RIMS2: variants seen among roughly 807,000 people sequenced by gnomAD.
The protein encoded by RIMS2 is regulating synaptic membrane exocytosis 2.
RIMS2 carries 59 observed loss-of-function variants against 174.4 expected under a neutral mutation model. The ratio of observed to expected loss-of-function variants is 0.34; its 90% CI spans 0.27 to 0.42. RIMS2 has a LOEUF of 0.42. RIMS2 is among the 10% of genes least tolerant of loss of function. The pLI, the probability that RIMS2 is intolerant of heterozygous loss-of-function variation, is 1.00. For missense variants in RIMS2, 1,620 were observed against 1,666.3 expected (o/e 0.97, Z 0.48); for synonymous variants, 606 against 572.5 (o/e 1.06, Z -0.84).
intron 3 of RIMS2, chr8:103,880,749 G>T (rs1321471311): frequency 4.6e-6 from 2 of 438,318 alleles, no homozygotes; most frequent in Admixed American, 3.9e-5. Flanking sequence ...ATATATTTTT[G>T]TTTTTTTATA....
intron 3 of RIMS2, among the ~76,000 whole-genome samples, chr8:103,790,353 A>T (rs1160781632): frequency 6.6e-6 from 1 of 152,184 alleles, no homozygotes; most frequent in Non-Finnish European, 1.5e-5. Flanking sequence ...AGTATCATGC[A>T]ATTATGTAGC....
chr8:103,865,289 T>TC (rs984245792), intron 3 of RIMS2, among the ~76,000 whole-genome samples: 2 of 145,070 alleles, frequency 1.4e-5, no homozygotes, highest in East Asian at 1.9e-4. Context: ...TTTTTCTTTT[T>TC]TTTTTTTTTT....
chr8:103,870,044 T>C (rs1451381479), intron 3 of RIMS2, among the ~76,000 whole-genome samples: 1 of 152,172 alleles, frequency 6.6e-6, no homozygotes, highest in East Asian at 1.9e-4. Context: ...GATGTTGATA[T>C]TCTGTGAAAT....
chr8:103,592,416 A>G (rs2094306684), intron 1 of RIMS2, among the ~76,000 whole-genome samples: 1 of 151,286 alleles, frequency 6.6e-6, no homozygotes, highest in African/African-American at 2.4e-5. Context: ...TAGAGCACTC[A>G]TCCCAATTCA....
chr8:104,127,808 A>G (rs1252747753), intron 19 of RIMS2, among the ~76,000 whole-genome samples: 2 of 152,204 alleles, frequency 1.3e-5, no homozygotes, highest in African/African-American at 2.4e-5. Flanking sequence ...AAATGCCAGT[A>G]CTTACAAAAT....
chr8:104,053,055 G>T, intron 19 of RIMS2, among the ~76,000 whole-genome samples: 1 of 152,142 alleles, frequency 6.6e-6, no homozygotes, highest in Non-Finnish European at 1.5e-5. Flanking sequence ...TGGTGCTGAG[G>T]AATGATCAGT....
At chr8:103,704,226 C>T in intron 2 of RIMS2, among the ~76,000 whole-genome samples, 1 of 150,536 alleles carries the variant, frequency 6.6e-6, no homozygotes, top group Non-Finnish European at 1.5e-5. Flanking sequence ...ACTAACATGG[C>T]TGTATGGTTT....
intron 19 of RIMS2, among the ~76,000 whole-genome samples, chr8:104,094,161 T>TATAG (rs2097712699): frequency 1.3e-5 from 2 of 151,982 alleles, no homozygotes; most frequent in Non-Finnish European, 2.9e-5. Flanking sequence ...CTATAGATTT[T>TATAG]ATAGATGCCT....
chr8:103,521,551 A>G (rs969768358), intron 1 of RIMS2, among the ~76,000 whole-genome samples: 2 of 152,198 alleles, frequency 1.3e-5, no homozygotes, highest in South Asian at 4.1e-4. Flanking sequence ...CATGCTTGCC[A>G]TATTCAATTA....
Position 103,547,939 on chromosome 8 carries a change from C to G in RIMS2, c.176+46877C>G, listed in dbSNP as rs1232879606. On this transcript the variant is annotated intron_variant, in intron 1 of 23. Coordinates refer to ENST00000504942, the Ensembl canonical transcript of RIMS2. ...AAATGGCTAGATTTCTGGAAACATA[C>G]CACCTGCCAAGATTGAACCAGGAAG... 2.6e-5 allele frequency among the ~76,000 whole-genome samples: 4 copies of G among 152,166 alleles called. No individual in the cohort carries two copies. In the East Asian group the frequency reaches 7.7e-4, roughly 29 times the overall value.
intron 1 of RIMS2, among the ~76,000 whole-genome samples, chr8:103,587,704 T>A (rs1246953694): frequency 1.3e-5 from 2 of 152,074 alleles, no homozygotes; most frequent in African/African-American, 4.8e-5. Context: ...TTTGATAAAA[T>A]TCAGCATTTC....
intron 1 of RIMS2, among the ~76,000 whole-genome samples, chr8:103,609,256 G>C (rs929890622): frequency 3.9e-5 from 6 of 152,138 alleles, no homozygotes; most frequent in Middle Eastern, 3.2e-3. Flanking sequence ...CTGAATATTA[G>C]AGCTTCGTTG....
intron 16 of RIMS2, among the ~76,000 whole-genome samples, chr8:103,986,821 C>T (rs565803567): frequency 4.0e-5 from 6 of 150,728 alleles, no homozygotes; most frequent in South Asian, 2.1e-4. Flanking sequence ...TGCAGTGAGC[C>T]GAGATCCTGC....
intron 1 of RIMS2, among the ~76,000 whole-genome samples, chr8:103,587,946 T>A (rs1012419244): frequency 3.3e-5 from 5 of 151,870 alleles, no homozygotes; most frequent in African/African-American, 1.2e-4. Context: ...ATATCTAAAT[T>A]GGAAAGCAGA....
At chr8:103,761,443 C>T (rs373812487) in intron 2 of RIMS2, among the ~76,000 whole-genome samples, 1 of 152,258 alleles carries the variant, frequency 6.6e-6, no homozygotes, top group African/African-American at 2.4e-5. Flanking sequence ...CACTGGTAAG[C>T]TGATCAGCTG....
chr8:103,505,714 G>A (rs866593295), intron 1 of RIMS2, among the ~76,000 whole-genome samples: 1 of 152,104 alleles, frequency 6.6e-6, no homozygotes. Flanking sequence ...TGTATAAGTG[G>A]TGTGTACTAA....
chr8:104,251,208 A>C, intron 23 of RIMS2, 45 bp downstream of exon 29: 6 of 1,485,236 alleles, frequency 4.0e-6, no homozygotes, highest in South Asian at 1.2e-5. Flanking sequence ...AGTATTTTTC[A>C]TGGGGTCAGA....
chr8:103,884,865 G>A (rs895582408), intron 3 of RIMS2, among the ~76,000 whole-genome samples: 10 of 151,822 alleles, frequency 6.6e-5, no homozygotes, highest in African/African-American at 1.9e-4. Context: ...CAACTCTTGA[G>A]CCAAATCAGT....
chr8:103,863,309 TA>T (rs2154502029), intron 3 of RIMS2, among the ~76,000 whole-genome samples: 1 of 152,314 alleles, frequency 6.6e-6, no homozygotes, highest in Non-Finnish European at 1.5e-5. Flanking sequence ...ATCCCAGGAA[TA>T]AAGCCAACCT....
Sources: gnomAD v4.1 joint callset for allele counts (sites outside exome capture counted in the v4.1 genomes callset) on GRCh38, gnomAD v4.1.1 for gene constraint, MANE v1.5 for transcripts, NCBI Gene and HGNC (gene_info 2026-07-23, HGNC 2026-07-21) for gene names.